The following C8A variants were observed in gnomAD, a reference collection of about 807,000 sequenced individuals.
The protein encoded by C8A is complement component C8 alpha chain.
C8A carries 67 observed loss-of-function variants against 65.3 expected under a neutral mutation model. The ratio of observed to expected loss-of-function variants is 1.03; its 90% CI spans 0.84 to 1.26. The LOEUF (loss-of-function observed/expected upper bound fraction) is 1.26. C8A is among the 50% of genes most tolerant of loss of function. The probability of loss-of-function intolerance (pLI) is 0.00; values close to 1 mark genes in which losing one functional copy is unlikely to be tolerated. For missense variants in C8A, 781 were observed against 723.9 expected (o/e 1.08, Z -0.90); for synonymous variants, 290 against 259.4 (o/e 1.12, Z -1.13).
chr1:56,864,196 T>C (rs1301290867), intron 1 of C8A, among the ~76,000 whole-genome samples: 1 of 152,158 alleles, frequency 6.6e-6, no homozygotes, highest in Non-Finnish European at 1.5e-5. Context: ...GAATTGATGT[T>C]TATGATGAGA....
intron 4 of C8A, among the ~76,000 whole-genome samples, chr1:56,879,843 T>C (rs1213384437): frequency 6.6e-6 from 1 of 152,214 alleles, no homozygotes; most frequent in Non-Finnish European, 1.5e-5. Context: ...TGCTCTATAA[T>C]TATCCACTTA....
At chr1:56,878,506 C>CT (rs1249033166) in intron 4 of C8A, among the ~76,000 whole-genome samples, 13 of 152,268 alleles carry the variant, frequency 8.5e-5, no homozygotes, top group Admixed American at 2.0e-4. Context: ...GAACAGTGTG[C>CT]TTCACCCACA....
chr1:56,864,523 A>G (rs1570314346), intron 1 of C8A, among the ~76,000 whole-genome samples: 1 of 152,178 alleles, frequency 6.6e-6, no homozygotes, highest in East Asian at 1.9e-4. Flanking sequence ...GCCCCAAGTA[A>G]CTATTCACAG....
intron 2 of C8A, among the ~76,000 whole-genome samples, chr1:56,871,641 T>C (rs1387686079): frequency 1.3e-5 from 2 of 152,156 alleles, no homozygotes; most frequent in Admixed American, 6.5e-5. Flanking sequence ...CAGCTCAAAA[T>C]GGGTTTCCCA....
At chr1:56,875,127 C>T (rs767849649) in intron 3 of C8A, 34 bp downstream of exon 3, 1 of 1,609,356 alleles carries the variant, frequency 6.2e-7, no homozygotes, top group South Asian at 1.1e-5. Flanking sequence ...ACAGCTGTGC[C>T]TGTCAAAAGT....
chr1:56,914,391 C>T (rs56143927), intron 10 of C8A, among the ~76,000 whole-genome samples: 23,075 of 152,062 alleles, frequency 0.15, 1,928 homozygotes, highest in Middle Eastern at 0.22. Context: ...CTTCCTACCC[C>T]CAGAATCTCT....
chr1:56,906,660 G>C lies in C8A; in HGVS notation c.1097-7G>C, dbSNP rs1370513372. The C allele has an allele frequency of 1.2e-6, 2 of 1,613,716 alleles. No homozygotes were observed. The highest frequency in any genetic ancestry group is 1.7e-6 in the Non-Finnish European group (2 of 1,179,782). On this transcript the variant is annotated splice_region_variant and splice_polypyrimidine_tract_variant and intron_variant, in intron 7 of 10. Coordinates refer to ENST00000361249, the MANE Select transcript of C8A (RefSeq NM_000562.3). ...GCATTTTGTGTTTCTCTGTCTCCCT[G>C]TTGCAGGTATTACCAGCAGAGATAT...
At chr1:56,876,335 C>T (rs1644198948) in intron 4 of C8A, 126 bp downstream of exon 4, 3 of 1,102,668 alleles carry the variant, frequency 2.7e-6, no homozygotes, top group African/African-American at 1.5e-5. Context: ...GTGAGCTGCT[C>T]TCATTGTCCC....
At position 56,886,041 on chromosome 1, in the gene C8A, C is replaced by A. The variant is rs779669335; in HGVS notation, c.970C>A (p.Gln324Lys). 4.3e-6 allele frequency: 7 copies of A among 1,613,940 alleles called. No homozygotes were observed. Among genetic ancestry groups the A allele is most frequent in the Non-Finnish European group, 5.9e-6 (7 of 1,179,962 alleles). Reference protein sequence around the residue: ...MLQSLMELPDQYNYGMYAKFI... With the variant: ...MLQSLMELPDKYNYGMYAKFI... ...GCAGTCATTAATGGAGCTTCCAGAT[C>A]AGTACAATTATGGCATGTATGCCAA... Residue 324 changes from glutamine to lysine, a missense_variant, in exon 7 of 11, where the codon CAG (glutamine) becomes AAG (lysine). Physicochemically the swap from Gln to Lys is moderately conservative, Grantham distance 53. Coordinates refer to ENST00000361249, the MANE Select transcript of C8A (RefSeq NM_000562.3).
chr1:56,900,626 G>A (rs997535662), intron 7 of C8A, among the ~76,000 whole-genome samples: 3 of 109,088 alleles, frequency 2.8e-5, no homozygotes, highest in South Asian at 4.2e-4. Flanking sequence ...GCAGCTGAAA[G>A]TGCTTTATAA....
intron 1 of C8A, among the ~76,000 whole-genome samples, chr1:56,866,631 G>A (rs1002004334): frequency 2.0e-5 from 3 of 152,228 alleles, no homozygotes; most frequent in Admixed American, 2.0e-4. Flanking sequence ...AGCAGTGGCT[G>A]CCTGGCTCTC....
chr1:56,912,656 G>T (rs1644518945), intron 10 of C8A, 31 bp downstream of exon 10: 1 of 1,601,428 alleles, frequency 6.2e-7, no homozygotes, highest in East Asian at 2.2e-5. Flanking sequence ...CCCAGTTCCA[G>T]CCTGTCCCAG....
intron 7 of C8A, among the ~76,000 whole-genome samples, chr1:56,888,230 C>A (rs916365989): frequency 2.0e-5 from 3 of 152,104 alleles, no homozygotes; most frequent in Non-Finnish European, 2.9e-5. Context: ...TAACACTCAA[C>A]ACAGGGGTTA....
chr1:56,876,278 GA>G (rs1644198612), intron 4 of C8A, 69 bp downstream of exon 4: 16 of 1,596,090 alleles, frequency 1.0e-5, no homozygotes, highest in Non-Finnish European at 1.4e-5. Context: ...CATTAGTTTT[GA>G]GGACAGAAGG....
intron 1 of C8A, among the ~76,000 whole-genome samples, chr1:56,862,784 A>G (rs972035111): frequency 4.6e-5 from 7 of 152,156 alleles, no homozygotes; most frequent in African/African-American, 1.7e-4. Flanking sequence ...TCGCCAGCTG[A>G]GAGATGCCTT....
intron 7 of C8A, among the ~76,000 whole-genome samples, chr1:56,893,503 A>G (rs112338701): frequency 9.2e-5 from 14 of 152,158 alleles, no homozygotes; most frequent in African/African-American, 3.4e-4. Context: ...TCAAGATCCA[A>G]ATAAGAATGA....
intron 3 of C8A, among the ~76,000 whole-genome samples, chr1:56,875,729 G>A (rs1256635622): frequency 4.6e-5 from 7 of 152,120 alleles, no homozygotes; most frequent in Admixed American, 3.3e-4. Context: ...TGATGGGCAG[G>A]TAGGGTCCAG....
intron 2 of C8A, among the ~76,000 whole-genome samples, chr1:56,874,208 G>C (rs1644175268): frequency 6.6e-6 from 1 of 152,172 alleles, no homozygotes; most frequent in Admixed American, 6.5e-5. Context: ...GAACTTGATT[G>C]GATGGGGTTG....
Position 56,883,473 on chromosome 1 carries a change from T to C in C8A, c.655-8T>C, listed in dbSNP as rs1164701557. ...CACAAAGCTAATATCTATCCTTTTT[T>C]TTTTCAGGCCCTGGCAGATACTGGA... On this transcript the variant is annotated splice_polypyrimidine_tract_variant and splice_region_variant and intron_variant, in intron 5 of 10. Transcript: ENST00000361249. 1.2e-6 allele frequency: 2 copies of C among 1,611,854 alleles called. No homozygotes were observed. Among genetic ancestry groups the C allele is most frequent in the South Asian group, 2.2e-5 (2 of 91,034 alleles).
Sources: gnomAD v4.1 joint callset for allele counts (sites outside exome capture counted in the v4.1 genomes callset) on GRCh38, gnomAD v4.1.1 for gene constraint, MANE v1.5 for transcripts, NCBI Gene and HGNC (gene_info 2026-07-23, HGNC 2026-07-21) for gene names.